The following CNTN6 variants were observed in gnomAD, a reference collection of about 807,000 sequenced individuals.
The protein encoded by CNTN6 is contactin 6.
CNTN6 carries 137 observed loss-of-function variants against 122.8 expected under a neutral mutation model. The observed-to-expected ratio is 1.12, with a 90% CI of 0.97 to 1.29. The LOEUF (loss-of-function observed/expected upper bound fraction) is 1.29. Among genes scored for constraint, CNTN6 ranks in the 50% most tolerant of loss-of-function variants. The pLI is 0.00. For synonymous variants in CNTN6, 570 were observed against 426.0 expected, an observed-to-expected ratio of 1.34 and a Z score of -4.16; for missense variants, 1,634 against 1,223.4, an observed-to-expected ratio of 1.34 and a Z score of -5.01.
intron 2 of CNTN6, among the ~76,000 whole-genome samples, chr3:1,201,285 C>G (rs1011855093): frequency 1.3e-5 from 2 of 152,074 alleles, no homozygotes; most frequent in African/African-American, 4.8e-5. Flanking sequence ...TATTCTCTTT[C>G]TAAAAGAATC....
At chr3:1,244,870 T>C (rs2094538934) in intron 4 of CNTN6, among the ~76,000 whole-genome samples, 1 of 134,316 alleles carries the variant, frequency 7.4e-6, no homozygotes, top group Non-Finnish European at 1.6e-5. Flanking sequence ...AAGAACCTTC[T>C]TAAGGGTGGG....
chr3:1,212,135 A>C (rs1343175353), intron 2 of CNTN6, among the ~76,000 whole-genome samples: 1 of 152,148 alleles, frequency 6.6e-6, no homozygotes, highest in Admixed American at 6.6e-5. Flanking sequence ...GGTAGGGCAG[A>C]ACCCTTTATG....
intron 19 of CNTN6, among the ~76,000 whole-genome samples, chr3:1,384,147 C>T (rs1330094423): frequency 2.6e-5 from 4 of 152,224 alleles, no homozygotes; most frequent in Non-Finnish European, 5.9e-5. Context: ...TGCTGTACAA[C>T]TGTGCACACA....
chr3:1,134,438 A>C (rs1029778845), intron 1 of CNTN6, among the ~76,000 whole-genome samples: 3 of 152,054 alleles, frequency 2.0e-5, no homozygotes, highest in African/African-American at 7.2e-5. Context: ...AGCTCTGCAG[A>C]AGGTACTTTT....
rs375902658 is a variant in CNTN6, at chr3:1,227,330, A to G, written c.183-488A>G. Among the ~76,000 whole-genome samples, 10 of 152,316 alleles carry G rather than the reference A, an allele frequency of 6.6e-5. No individual in the cohort carries two copies. In the South Asian group the frequency reaches 1.7e-3, roughly 25 times the overall value. On this transcript the variant is annotated intron_variant, in intron 3 of 22. Transcript: ENST00000446702. The stretch of plus-strand genomic sequence containing the variant: ...ATACTAACAGAGGTAATCATGTTCT[A>G]AAGTAGTCAGGTTATTATTGTTTTG...
At position 1,382,928 on chromosome 3, in the gene CNTN6, A is replaced by C. The variant is rs112813454; in HGVS notation, c.2167-14A>C. 5.7e-6 allele frequency: 9 copies of C among 1,581,270 alleles called. No homozygotes were observed. The highest frequency in any genetic ancestry group is 5.4e-5 in the African/African-American group (4 of 74,322). On this transcript the variant is annotated splice_polypyrimidine_tract_variant and intron_variant, in intron 17 of 22. Transcript: ENST00000446702. ...TTTTGCAAATACTCAGTGATTGATCACATTCTGCCCAAGTCAATTCCAGAA... is the reference window on the plus strand; with the variant it reads ...TTTTGCAAATACTCAGTGATTGATCCCATTCTGCCCAAGTCAATTCCAGAA...
rs530504059 is a variant in CNTN6 at position 1,146,761 on chromosome 3, C to T, written c.-82-1166C>T. Among the ~76,000 whole-genome samples, 7 of 151,888 alleles carry T rather than the reference C, an allele frequency of 4.6e-5. No homozygotes were observed. In the South Asian group the frequency reaches 1.2e-3, roughly 27 times the overall value. ...AAAGAAACAAACAAATAAATAAATG[C>T]TTATGAAAATATAATTAATGAATGA... On this transcript the variant is annotated intron_variant, in intron 1 of 22. Coordinates refer to ENST00000446702, the MANE Select transcript of CNTN6 (RefSeq NM_001289080.2).
At chr3:1,345,290 A>C (rs966917313) in intron 11 of CNTN6, among the ~76,000 whole-genome samples, 1 of 151,582 alleles carries the variant, frequency 6.6e-6, no homozygotes, top group Non-Finnish European at 1.5e-5. Context: ...TAATTTTTGT[A>C]TTTTCAGTAC....
At chr3:1,298,825 C>G (rs73093209) in intron 7 of CNTN6, among the ~76,000 whole-genome samples, 15,161 of 152,094 alleles carry the variant, frequency 0.1, 858 homozygotes, top group African/African-American at 0.16. Context: ...TTCTTGTAAA[C>G]AGAACATACT....
chr3:1,321,185 C>G (rs962447366), intron 7 of CNTN6, among the ~76,000 whole-genome samples: 2 of 151,638 alleles, frequency 1.3e-5, no homozygotes, highest in African/African-American at 4.8e-5. Flanking sequence ...GCCTTAGAAA[C>G]TATAAATATA....
intron 1 of CNTN6, among the ~76,000 whole-genome samples, chr3:1,115,593 C>CA (rs921456785): frequency 4.6e-5 from 7 of 150,636 alleles, no homozygotes; most frequent in Admixed American, 1.3e-4. Context: ...ACTAAAAATC[C>CA]AAAAAAAAAT....
chr3:1,142,933 A>G (rs1443911475), intron 1 of CNTN6, among the ~76,000 whole-genome samples: 1 of 149,134 alleles, frequency 6.7e-6, no homozygotes, highest in Admixed American at 6.7e-5. Context: ...ACAGATATGT[A>G]CATTAAAGAT....
rs1485711247 is a variant in CNTN6 at position 1,227,898 on chromosome 3, G to T, written c.263G>T (p.Ser88Ile). Residue 88 changes from serine (S) to isoleucine (I), a missense_variant, in exon 4 of 23, where the codon AGC (serine) becomes ATC (isoleucine). By Grantham distance (142) the Ser-to-Ile change is moderately radical. Coordinates refer to ENST00000446702, the MANE Select transcript of CNTN6 (RefSeq NM_001289080.2). The part of the protein sequence containing the change: ...RLDGGSLAIN[S>I]PHTDQDIGMY... ...GATGGAGGCAGTCTTGCAATCAATA[G>T]CCCCCACACAGATCAAGATATTGGC... 2.5e-6 allele frequency: 4 copies of T among 1,613,868 alleles called. No homozygotes were observed. The Admixed American group carries it at 6.7e-5, about 27-fold the overall frequency.
intron 11 of CNTN6, among the ~76,000 whole-genome samples, chr3:1,347,046 G>C (rs1575801220): frequency 6.6e-6 from 1 of 152,098 alleles, no homozygotes; most frequent in Non-Finnish European, 1.5e-5. Context: ...AGTTAAACTT[G>C]AAATATTTAT....
intron 20 of CNTN6, among the ~76,000 whole-genome samples, chr3:1,387,126 T>C (rs1693130960): frequency 6.6e-6 from 1 of 151,160 alleles, no homozygotes; most frequent in African/African-American, 2.4e-5. Flanking sequence ...TAAATAGAAA[T>C]TATCTCTGTC....
chr3:1,265,573 G>C (rs1222086439), intron 4 of CNTN6, among the ~76,000 whole-genome samples: 2 of 152,190 alleles, frequency 1.3e-5, no homozygotes, highest in Non-Finnish European at 2.9e-5. Context: ...TAGGGGAGGA[G>C]TATTGGCAAA....
intron 7 of CNTN6, among the ~76,000 whole-genome samples, chr3:1,305,099 C>G (rs997432184): frequency 4.6e-5 from 7 of 151,752 alleles, no homozygotes; most frequent in Non-Finnish European, 7.4e-5. Context: ...GTTTATACAC[C>G]TTATTATTTT....
chr3:1,139,292 A>G (rs2092556380), intron 1 of CNTN6, among the ~76,000 whole-genome samples: 1 of 152,126 alleles, frequency 6.6e-6, no homozygotes, highest in African/African-American at 2.4e-5. Context: ...GCATTCTGTT[A>G]TTGAATTCAT....
At chr3:1,337,824 A>G (rs1349923858) in intron 11 of CNTN6, among the ~76,000 whole-genome samples, 1 of 152,106 alleles carries the variant, frequency 6.6e-6, no homozygotes, top group Non-Finnish European at 1.5e-5. Flanking sequence ...CCTGTTTCAC[A>G]TGAAGATGTA....
Sources: allele counts gnomAD v4.1 joint callset (sites outside exome capture counted in the v4.1 genomes callset), GRCh38; gene constraint gnomAD v4.1.1; transcripts MANE v1.5; gene names NCBI Gene and HGNC (gene_info 2026-07-23, HGNC 2026-07-21).